The following NLRP12 variants were observed in gnomAD, a reference collection of about 807,000 sequenced individuals.
NLRP12 encodes the protein NLR family pyrin domain containing 12.
A neutral mutation model predicts 91.2 loss-of-function variants in NLRP12; 108 were observed. That is an observed-to-expected ratio of 1.18 (90% CI 1.01 to 1.39). The LOEUF is 1.39. Ranked by LOEUF, NLRP12 falls within the 40% of genes most tolerant of loss-of-function variation. NLRP12 has a pLI of 0.00. For synonymous variants in NLRP12, 613 were observed against 566.7 expected, an observed-to-expected ratio of 1.08 and a Z score of -1.16; for missense variants, 1,530 against 1,352.7, an observed-to-expected ratio of 1.13 and a Z score of -2.06.
rs1240634887 is a variant in NLRP12, at chr19:53,796,076, T to C, written c.2928-47A>G. ...TTAAGGTAACACCAGGGGCTACTTA[T>C]GTTATTCGGAGGCAGTGTCTCACCC... On this transcript the variant is annotated intron_variant, in intron 8 of 9. Coordinates refer to ENST00000324134, the MANE Select transcript of NLRP12 (RefSeq NM_144687.4). 2.2e-5 allele frequency: 35 copies of C among 1,581,314 alleles called. No individual in the cohort carries two copies. The South Asian group carries it at 2.2e-4, about 10-fold the overall frequency.
At chr19:53,805,219 G>A in intron 5 of NLRP12, 61 bp downstream of exon 5, 2 of 1,527,972 alleles carry the variant, frequency 1.3e-6, no homozygotes, top group Non-Finnish European at 1.8e-6. Flanking sequence ...AGCATTTTGT[G>A]ATATTTCATG....
At chr19:53,801,167 G>A in intron 7 of NLRP12, 60 bp downstream of exon 7, 2 of 1,531,342 alleles carry the variant, frequency 1.3e-6, no homozygotes, top group Non-Finnish European at 1.8e-6. Context: ...CGTGGTCCCA[G>A]GTGAGAGGGC....
rs35401786 is a variant in NLRP12, at chr19:53,810,703, G to C, written c.956C>G (p.Pro319Arg). ...PWCLCWEEKR[P>R]TELLLNSLIR... ...TAAGCTGTTAAGAAGCAGCTCCGTGGGCCGTTTCTCCTCCCAGCAGAGGCA... is the reference window on the plus strand; with the variant it reads ...TAAGCTGTTAAGAAGCAGCTCCGTGCGCCGTTTCTCCTCCCAGCAGAGGCA... The change falls in exon 3 of 10, where the codon CCC (proline) becomes CGC (arginine). Residue 319 changes from proline to arginine, a missense_variant. Coordinates refer to ENST00000324134, the MANE Select transcript of NLRP12 (RefSeq NM_144687.4). 1.7e-3 allele frequency: 2,759 copies of C among 1,613,984 alleles called. 37 individuals carry two copies. In the African/African-American group the frequency reaches 0.029, roughly 17 times the overall value.
rs2091744705 is a variant in NLRP12 at position 53,795,753 on chromosome 19, T to C, written c.3098+106A>G. 16 of 952,306 alleles carry C rather than the reference T, an allele frequency of 1.7e-5. No individual in the cohort carries two copies. The South Asian group carries it at 2.2e-4, about 13-fold the overall frequency. The allele number at this position is 952,306 out of a possible 1,614,324, so 59.0% of individuals were successfully genotyped here. On this transcript the variant is annotated intron_variant, in intron 9 of 9. Transcript: ENST00000324134. ...GTGGCCTCATCTGTATGCCCCCTAA[T>C]TGCATACACCAGTGCATAACGTATT...
chr19:53,806,059 C>A (rs560869951), intron 4 of NLRP12, among the ~76,000 whole-genome samples: 2 of 150,998 alleles, frequency 1.3e-5, no homozygotes, highest in Admixed American at 1.3e-4. Flanking sequence ...CACAGTGAAA[C>A]CCCATTTCTA....
intron 9 of NLRP12, 44 bp downstream of exon 9, chr19:53,795,815 C>G (rs909835265): frequency 3.1e-6 from 5 of 1,590,424 alleles, no homozygotes; most frequent in African/African-American, 2.7e-5. Flanking sequence ...GCTCCCAGCC[C>G]AATGTCCAGC....
At chr19:53,794,202 T>G in intron 9 of NLRP12, 66 bp from the exon 10 acceptor site, 2 of 1,063,940 alleles carry the variant, frequency 1.9e-6, no homozygotes, top group Non-Finnish European at 2.9e-6. Context: ...AAGCCTTAAG[T>G]ATCTATTGTG....
chr19:53,805,192 G>T lies in NLRP12; in HGVS notation c.2414+88C>A, dbSNP rs993659629. ...AAGGGCCAGCCCTGATTTAAAGGTG[G>T]AGATTTGGGGATTACCAGCATTTTG... On this transcript the variant is annotated intron_variant, in intron 5 of 9. Transcript: ENST00000324134. The T allele has an allele frequency of 2.1e-5, 29 of 1,381,540 alleles. 1 individual carries two copies. In the African/African-American group the frequency reaches 3.1e-4, roughly 15 times the overall value. 85.6% of individuals were successfully genotyped at this position (1,381,540 alleles called of 1,614,324 possible).
chr19:53,814,359 CT>C (rs896797854), intron 2 of NLRP12, among the ~76,000 whole-genome samples: 6 of 150,758 alleles, frequency 4.0e-5, no homozygotes, highest in African/African-American at 1.5e-4. Context: ...CCTTTCTTTG[CT>C]TTTTTTTTAA....
At chr19:53,823,800 TCAGCCTCC>T in intron 1 of NLRP12, 78 bp downstream of exon 1, 2 of 1,493,008 alleles carry the variant, frequency 1.3e-6, no homozygotes, top group South Asian at 2.3e-5. Flanking sequence ...TCTGCCCTCT[TCAGCCTCC>T]CAAAGTGCTG....
intron 1 of NLRP12, among the ~76,000 whole-genome samples, chr19:53,820,311 C>T (rs1247027233): frequency 6.6e-6 from 1 of 152,056 alleles, no homozygotes; most frequent in African/African-American, 2.4e-5. Flanking sequence ...GGATGGATCA[C>T]CTGAGGTTAG....
intron 6 of NLRP12, 141 bp downstream of exon 6, chr19:53,803,811 T>C (rs933189517): frequency 1.3e-6 from 1 of 778,294 alleles, no homozygotes; most frequent in East Asian, 2.7e-5. Context: ...TGACCTCAGA[T>C]GATCTGCCCT....
At chr19:53,803,869 C>T (rs2091912434) in intron 6 of NLRP12, 83 bp downstream of exon 6, 2 of 1,412,168 alleles carry the variant, frequency 1.4e-6, no homozygotes, top group Non-Finnish European at 2.0e-6. Context: ...CCACTGCGCC[C>T]GACCTGTGGA....
At position 53,814,828 on chromosome 19, in the gene NLRP12, C is replaced by T. The variant is rs929740742; in HGVS notation, c.370+80G>A. 23 of 1,095,100 alleles carry T rather than the reference C, an allele frequency of 2.1e-5. 1 individual carries two copies. Among genetic ancestry groups the T allele is most frequent in the Admixed American group, 1.5e-4 (9 of 59,228 alleles). 67.8% of individuals were successfully genotyped at this position (1,095,100 alleles called of 1,614,324 possible). ...CCACCCCACGAATTCCTCAATCACGCGTTTGTGGTTGGCCTACACTCCGTG... is the reference window on the plus strand; with the variant it reads ...CCACCCCACGAATTCCTCAATCACGTGTTTGTGGTTGGCCTACACTCCGTG... On this transcript the variant is annotated intron_variant, in intron 2 of 9. Coordinates refer to ENST00000324134, the MANE Select transcript of NLRP12 (RefSeq NM_144687.4).
At chr19:53,813,695 CT>C (rs199883226) in intron 2 of NLRP12, among the ~76,000 whole-genome samples, 16 of 149,962 alleles carry the variant, frequency 1.1e-4, no homozygotes, top group African/African-American at 2.2e-4. Flanking sequence ...CCTCTCCCGC[CT>C]TTTTTTTTGA....
At chr19:53,823,413 ATGTTT>A (rs2092291777) in intron 1 of NLRP12, among the ~76,000 whole-genome samples, 1 of 104,326 alleles carries the variant, frequency 9.6e-6, no homozygotes, top group African/African-American at 3.6e-5. Flanking sequence ...TTTAAAATAT[ATGTTT>A]TAAATATATA....
upstream of NLRP12, chr19:53,824,340 T>C: frequency 1.5e-6 from 1 of 671,506 alleles, no homozygotes; most frequent in South Asian, 1.7e-5. Context: ...GACCTTTTGC[T>C]GAAATAATGC....
Position 53,810,205 on chromosome 19 carries a change from C to T in NLRP12, c.1454G>A (p.Gly485Asp). 1 of 1,614,204 alleles carries T rather than the reference C, an allele frequency of 6.2e-7. No individual in the cohort carries two copies. The highest frequency in any genetic ancestry group is 8.5e-7 in the Non-Finnish European group (1 of 1,180,036). The change falls in exon 3 of 10, where the codon GGC becomes GAC. Residue 485 changes from glycine (G) to aspartate (D), a missense_variant. Coordinates refer to ENST00000324134, the MANE Select transcript of NLRP12 (RefSeq NM_144687.4). The stretch of plus-strand genomic sequence containing the variant: ...GGCAGAGACGTCTTCCCCGTCTAGG[C>T]CGTGCTTCCGGAGGTCCTGCTCCTC... ...LFEEQDLRKHGLDGEDVSAFL... is the reference protein window; with the variant it reads ...LFEEQDLRKHDLDGEDVSAFL...
chr19:53,803,409 A>C (rs1177323637), intron 6 of NLRP12, among the ~76,000 whole-genome samples: 1 of 151,528 alleles, frequency 6.6e-6, no homozygotes, highest in Non-Finnish European at 1.5e-5. Context: ...CGAACTCCAG[A>C]CCTCAGGTGA....
Sources: allele counts gnomAD v4.1 joint callset (sites outside exome capture counted in the v4.1 genomes callset), GRCh38; gene constraint gnomAD v4.1.1; transcripts MANE v1.5; gene names NCBI Gene and HGNC (gene_info 2026-07-23, HGNC 2026-07-21).